The following KCNH7 variants were observed in gnomAD, a reference collection of about 807,000 sequenced individuals.
The protein encoded by KCNH7 is potassium voltage-gated channel subfamily H member 7, also known as voltage-gated inwardly rectifying potassium channel KCNH7.
KCNH7 carries 49 observed loss-of-function variants against 120.8 expected under a neutral mutation model. That is an observed-to-expected ratio of 0.41 (90% CI 0.32 to 0.51). KCNH7 has a LOEUF of 0.51. KCNH7 is among the 20% of genes least tolerant of loss of function. KCNH7 has a pLI of 0.38. For synonymous variants in KCNH7, 547 were observed against 516.1 expected (o/e 1.06, Z -0.81); for missense variants, 1,097 against 1,446.6 (o/e 0.76, Z 3.92).
chr2:162,738,429 A>G (rs964040873), intron 2 of KCNH7, among the ~76,000 whole-genome samples: 4 of 152,046 alleles, frequency 2.6e-5, no homozygotes, highest in Non-Finnish European at 4.4e-5. Flanking sequence ...CTAATTTGAC[A>G]TTTTTCAAAA....
chr2:162,640,035 T>G (rs972013802), intron 2 of KCNH7, among the ~76,000 whole-genome samples: 1 of 152,160 alleles, frequency 6.6e-6, no homozygotes, highest in African/African-American at 2.4e-5. Flanking sequence ...ACGATGCTGA[T>G]TTTAAAAAAT....
intron 3 of KCNH7, among the ~76,000 whole-genome samples, chr2:162,526,883 A>G (rs1691724440): frequency 6.6e-6 from 1 of 152,058 alleles, no homozygotes; most frequent in Admixed American, 6.6e-5. Flanking sequence ...GGGAAGTGAT[A>G]AGTGTCCATG....
At chr2:162,510,251 G>T (rs563717580) in intron 5 of KCNH7, among the ~76,000 whole-genome samples, 1 of 151,510 alleles carries the variant, frequency 6.6e-6, no homozygotes, top group Admixed American at 6.6e-5. Context: ...AAAGGGAAAC[G>T]AAATAGATCC....
Position 162,558,175 on chromosome 2 carries a change from CT to C in KCNH7, c.308-21096del, listed in dbSNP as rs796790912. On this transcript the variant is annotated intron_variant, in intron 2 of 15. Coordinates refer to ENST00000332142, the MANE Select transcript of KCNH7 (RefSeq NM_033272.4). ...ATGTGGGTTTTGTGTCCTCAAGCCT[CT>C]TTTTTTTTTTTCTTTTTTTGAGACG... Among the ~76,000 whole-genome samples the C allele has an allele frequency of 1.0e-3, 145 of 145,482 alleles. 1 individual carries two copies. Among genetic ancestry groups the C allele is most frequent in the South Asian group, 3.5e-3 (16 of 4,574 alleles).
At chr2:162,778,568 C>A (rs555984089) in intron 2 of KCNH7, among the ~76,000 whole-genome samples, 2 of 152,124 alleles carry the variant, frequency 1.3e-5, no homozygotes, top group African/African-American at 4.8e-5. Context: ...CTGCACAGAA[C>A]CTGGCACACG....
rs878862420 is a variant in KCNH7, at chr2:162,838,680, C to A, written c.-162G>T. 7.3e-6 allele frequency: 4 copies of A among 551,380 alleles called. No individual in the cohort carries two copies. Among genetic ancestry groups the A allele is most frequent in the Non-Finnish European group, 1.3e-5 (4 of 311,754 alleles). The allele number at this position is 551,380 out of a possible 1,614,324, so 34.2% of individuals were successfully genotyped here. A position where few individuals can be genotyped will look rare whatever the true frequency, so the allele number is the denominator to read the frequency against. On this transcript the variant is annotated 5_prime_UTR_variant, in exon 1 of 16. Coordinates refer to ENST00000332142, the MANE Select transcript of KCNH7 (RefSeq NM_033272.4). ...CCCATTAGCACCACTTCTAGACACCCGCTTTCCCCACCGGAGTCCAATCCA... is the reference window on the plus strand; with the variant it reads ...CCCATTAGCACCACTTCTAGACACCAGCTTTCCCCACCGGAGTCCAATCCA...
At chr2:162,469,832 G>T (rs900725537) in intron 6 of KCNH7, among the ~76,000 whole-genome samples, 1 of 152,092 alleles carries the variant, frequency 6.6e-6, no homozygotes, top group Admixed American at 6.5e-5. Context: ...TCAGCCTACC[G>T]AGTGCCTGCG....
At chr2:162,584,404 C>A (rs538015500) in intron 2 of KCNH7, among the ~76,000 whole-genome samples, 1 of 152,208 alleles carries the variant, frequency 6.6e-6, no homozygotes, top group African/African-American at 2.4e-5. Flanking sequence ...TCAAGAACCT[C>A]AGATATTAGT....
At chr2:162,586,447 A>G (rs1037326918) in intron 2 of KCNH7, among the ~76,000 whole-genome samples, 1 of 152,042 alleles carries the variant, frequency 6.6e-6, no homozygotes, top group Admixed American at 6.6e-5. Context: ...TAGTGGAGCC[A>G]TCTTAGACAG....
chr2:162,520,441 T>C (rs1691481520), intron 3 of KCNH7, among the ~76,000 whole-genome samples: 1 of 151,782 alleles, frequency 6.6e-6, no homozygotes, highest in Non-Finnish European at 1.5e-5. Flanking sequence ...TTGTCCACCC[T>C]TAAAAATAAT....
chr2:162,428,589 C>T (rs1687946079), intron 8 of KCNH7, among the ~76,000 whole-genome samples: 1 of 151,776 alleles, frequency 6.6e-6, no homozygotes, highest in African/African-American at 2.4e-5. Flanking sequence ...TTCATTTGGT[C>T]TATTTATTCT....
chr2:162,687,128 A>G (rs1026338894), intron 2 of KCNH7, among the ~76,000 whole-genome samples: 2 of 152,014 alleles, frequency 1.3e-5, no homozygotes, highest in Non-Finnish European at 2.9e-5. Flanking sequence ...CAGCCTTGAC[A>G]TTGATTTTGC....
intron 2 of KCNH7, among the ~76,000 whole-genome samples, chr2:162,716,505 T>C (rs1687129572): frequency 6.6e-6 from 1 of 152,194 alleles, no homozygotes. Context: ...TTCATCTCTG[T>C]TTCCTAGATT....
intron 2 of KCNH7, among the ~76,000 whole-genome samples, chr2:162,570,277 T>C (rs1179591153): frequency 6.6e-6 from 1 of 151,178 alleles, no homozygotes; most frequent in Non-Finnish European, 1.5e-5. Context: ...CCCTTTACCA[T>C]TATGTAATGG....
At chr2:162,476,660 TA>T (rs978608235) in intron 6 of KCNH7, among the ~76,000 whole-genome samples, 3 of 152,168 alleles carry the variant, frequency 2.0e-5, no homozygotes, top group Admixed American at 2.0e-4. Context: ...CATCTTTCAA[TA>T]CAACTAATCT....
At chr2:162,569,233 C>A (rs892694536) in intron 2 of KCNH7, among the ~76,000 whole-genome samples, 2 of 151,856 alleles carry the variant, frequency 1.3e-5, no homozygotes, top group African/African-American at 4.8e-5. Context: ...TTCAGAGATT[C>A]AACTTCTTCC....
chr2:162,701,091 T>C (rs565869237), intron 2 of KCNH7, among the ~76,000 whole-genome samples: 44 of 152,288 alleles, frequency 2.9e-4, no homozygotes, highest in Admixed American at 7.2e-4. Context: ...AGAACTATTA[T>C]AGTACAGTCA....
chr2:162,569,257 G>T (rs1399726986), intron 2 of KCNH7, among the ~76,000 whole-genome samples: 1 of 151,842 alleles, frequency 6.6e-6, no homozygotes, highest in Non-Finnish European at 1.5e-5. Flanking sequence ...TTTAGTCTTG[G>T]GAGAGTGTAT....
At chr2:162,377,318 G>A (rs1199370184) in intron 14 of KCNH7, among the ~76,000 whole-genome samples, 1 of 151,510 alleles carries the variant, frequency 6.6e-6, no homozygotes, top group Non-Finnish European at 1.5e-5. Context: ...AATGTCAAAG[G>A]AGATATAGTA....
Sources: gnomAD v4.1 joint callset for allele counts (sites outside exome capture counted in the v4.1 genomes callset) on GRCh38, gnomAD v4.1.1 for gene constraint, MANE v1.5 for transcripts, NCBI Gene and HGNC (gene_info 2026-07-23, HGNC 2026-07-21) for gene names.